The following PRORP variants were observed in gnomAD, a reference collection of about 807,000 sequenced individuals.
PRORP encodes protein only RNase P catalytic subunit, also known as mitochondrial ribonuclease P catalytic subunit.
In PRORP, 51 loss-of-function variants were observed where a neutral mutation model predicts 59.4. That is an observed-to-expected ratio of 0.86 (90% CI 0.69 to 1.08). The LOEUF (loss-of-function observed/expected upper bound fraction) is 1.08. Among genes scored for constraint, PRORP ranks in the 50% least tolerant of loss-of-function variants. PRORP has a pLI of 0.00. For missense variants in PRORP, 646 were observed against 690.3 expected (o/e 0.94, Z 0.72); for synonymous variants, 231 against 245.6 (o/e 0.94, Z 0.55).
At chr14:35,201,066 A>G (rs1566493705) in intron 5 of PRORP, among the ~76,000 whole-genome samples, 1 of 152,060 alleles carries the variant, frequency 6.6e-6, no homozygotes, top group Non-Finnish European at 1.5e-5. Flanking sequence ...CTCAATTGGG[A>G]TTTTTATGTT....
intron 4 of PRORP, among the ~76,000 whole-genome samples, chr14:35,174,897 C>T (rs575055509): frequency 1.8e-5 from 2 of 114,176 alleles, no homozygotes; most frequent in South Asian, 3.6e-4. Flanking sequence ...CCCCCCTCCC[C>T]CCACCCCACG....
At chr14:35,170,617 A>G (rs530690974) in intron 4 of PRORP, among the ~76,000 whole-genome samples, 19 of 152,250 alleles carry the variant, frequency 1.2e-4, no homozygotes, top group Middle Eastern at 3.4e-3. Flanking sequence ...CATATATTAC[A>G]TGTGTTTTAA....
chr14:35,216,876 A>G (rs4981275), intron 5 of PRORP, among the ~76,000 whole-genome samples: 3,249 of 152,054 alleles, frequency 0.021, 115 homozygotes, highest in African/African-American at 0.072. Flanking sequence ...GTGATTTTTG[A>G]CTCGTGTTTC....
At chr14:35,180,104 CAG>C (rs1001683739) in intron 4 of PRORP, among the ~76,000 whole-genome samples, 2 of 152,208 alleles carry the variant, frequency 1.3e-5, no homozygotes, top group African/African-American at 2.4e-5. Context: ...AGCTTCGTCT[CAG>C]GGGTACCCGG....
At position 35,123,843 on chromosome 14, in the gene PRORP, A is replaced by G; in HGVS notation, c.598A>G (p.Ile200Val). ...QTSEVIDVFE[I>V]MKARYKTLEP... Reference sequence around the variant, plus strand: ...ATCTGAAGTTATTGATGTCTTTGAAATTATGAAAGCCAGATATAAGACTTT... The same window carrying G: ...ATCTGAAGTTATTGATGTCTTTGAAGTTATGAAAGCCAGATATAAGACTTT... The change falls in exon 2 of 8, where the codon ATT becomes GTT. Residue 200 changes from isoleucine (I) to valine (V), a missense_variant. Physicochemically the swap from Ile to Val is conservative, Grantham distance 29 (BLOSUM62 3). Coordinates refer to ENST00000534898, the MANE Select transcript of PRORP (RefSeq NM_014672.4). The G allele has an allele frequency of 6.2e-7, 1 of 1,614,130 alleles. No homozygotes were observed. The highest frequency in any genetic ancestry group is 8.5e-7 in the Non-Finnish European group (1 of 1,180,012).
intron 4 of PRORP, among the ~76,000 whole-genome samples, chr14:35,127,818 T>C (rs190727192): frequency 6.6e-6 from 1 of 152,278 alleles, no homozygotes; most frequent in Admixed American, 6.5e-5. Flanking sequence ...ACTTTATTCA[T>C]GAAAACAAGC....
At chr14:35,185,061 A>AAT (rs2048710198) in intron 5 of PRORP, among the ~76,000 whole-genome samples, 1 of 152,124 alleles carries the variant, frequency 6.6e-6, no homozygotes, top group Non-Finnish European at 1.5e-5. Flanking sequence ...GCTGGGTTGA[A>AAT]TGGTAGTTCT....
chr14:35,261,829 T>C (rs1189046741), intron 5 of PRORP, among the ~76,000 whole-genome samples: 1 of 152,250 alleles, frequency 6.6e-6, no homozygotes, highest in Non-Finnish European at 1.5e-5. Flanking sequence ...GGTTCATGGC[T>C]GGACTGTCAT....
At chr14:35,164,649 T>G (rs1159298606) in intron 4 of PRORP, among the ~76,000 whole-genome samples, 1 of 152,138 alleles carries the variant, frequency 6.6e-6, no homozygotes. Flanking sequence ...GGGTGGGGTA[T>G]GGGTTGAAAA....
chr14:35,264,049 C>T (rs1376447053), intron 5 of PRORP, among the ~76,000 whole-genome samples: 1 of 151,994 alleles, frequency 6.6e-6, no homozygotes, highest in Non-Finnish European at 1.5e-5. Flanking sequence ...AATCCTCCTG[C>T]CTCAGCCTCT....
chr14:35,205,518 C>T (rs988636051), intron 5 of PRORP, among the ~76,000 whole-genome samples: 1 of 152,048 alleles, frequency 6.6e-6, no homozygotes, highest in Non-Finnish European at 1.5e-5. Flanking sequence ...GACAAGGTCT[C>T]GCTATGTTAC....
chr14:35,215,899 T>C (rs948754006), intron 5 of PRORP, among the ~76,000 whole-genome samples: 6 of 151,664 alleles, frequency 4.0e-5, no homozygotes, highest in African/African-American at 1.5e-4. Flanking sequence ...CCTGAGTAGT[T>C]TGGATTACAG....
At chr14:35,205,754 TAC>T (rs2049276958) in intron 5 of PRORP, among the ~76,000 whole-genome samples, 1 of 152,346 alleles carries the variant, frequency 6.6e-6, no homozygotes, top group African/African-American at 2.4e-5. Context: ...GGTGGCTTCA[TAC>T]ACACAGTTTT....
At chr14:35,212,822 G>A (rs572865946) in intron 5 of PRORP, among the ~76,000 whole-genome samples, 1 of 152,274 alleles carries the variant, frequency 6.6e-6, no homozygotes, top group African/African-American at 2.4e-5. Context: ...AAGCTTTGAA[G>A]CCAGGCATTG....
intron 5 of PRORP, among the ~76,000 whole-genome samples, chr14:35,256,063 A>G (rs1009656773): frequency 6.6e-6 from 1 of 151,832 alleles, no homozygotes; most frequent in Non-Finnish European, 1.5e-5. Context: ...AGGAGGGCGG[A>G]TCACGAGGTC....
intron 5 of PRORP, among the ~76,000 whole-genome samples, chr14:35,215,761 A>C (rs2049571806): frequency 1.3e-5 from 2 of 149,826 alleles, no homozygotes; most frequent in African/African-American, 2.4e-5. Context: ...GTAAGACTCT[A>C]TCTCTCTTTT....
At chr14:35,161,229 G>A (rs1366839862) in intron 4 of PRORP, among the ~76,000 whole-genome samples, 1 of 152,194 alleles carries the variant, frequency 6.6e-6, no homozygotes, top group Non-Finnish European at 1.5e-5. Context: ...GGCTTTTATA[G>A]TATAGACTTT....
intron 5 of PRORP, among the ~76,000 whole-genome samples, chr14:35,265,069 A>G (rs1278739932): frequency 6.6e-6 from 1 of 152,234 alleles, no homozygotes; most frequent in Non-Finnish European, 1.5e-5. Context: ...GTCAACGTGT[A>G]TATTGGATAT....
Position 35,225,345 on chromosome 14 carries a change from A to AT in PRORP, c.1276-41373dup, listed in dbSNP as rs555971812. Among the ~76,000 whole-genome samples the AT allele has an allele frequency of 5.3e-3, 799 of 151,024 alleles. 1 individual carries two copies. The highest frequency in any genetic ancestry group is 9.5e-3 in the Non-Finnish European group (643 of 67,630). On this transcript the variant is annotated intron_variant, in intron 5 of 7. Transcript: ENST00000534898. The stretch of plus-strand genomic sequence containing the variant: ...TGCTTTTCTACCCAACACTTGGTGT[A>AT]TTTTTTTTTCTTTTTTTTAAGATGG...
Sources: gnomAD v4.1 joint callset for allele counts (sites outside exome capture counted in the v4.1 genomes callset) on GRCh38, gnomAD v4.1.1 for gene constraint, MANE v1.5 for transcripts, NCBI Gene and HGNC (gene_info 2026-07-23, HGNC 2026-07-21) for gene names.